The following STXBP5L variants were observed in gnomAD, a reference collection of about 807,000 sequenced individuals.
The protein encoded by STXBP5L is syntaxin-binding protein 5-like.
STXBP5L carries 65 observed loss-of-function variants against 144.5 expected under a neutral mutation model. The observed-to-expected ratio is 0.45, with a 90% confidence interval of 0.37 to 0.55. The LOEUF is 0.55. STXBP5L is among the 20% of genes least tolerant of loss of function. The probability of loss-of-function intolerance (pLI) is 0.00; values close to 1 mark genes in which losing one functional copy is unlikely to be tolerated. For missense variants in STXBP5L, 1,298 were observed against 1,405.5 expected (o/e 0.92, Z 1.22); for synonymous variants, 505 against 469.6 (o/e 1.08, Z -0.97).
intron 5 of STXBP5L, among the ~76,000 whole-genome samples, chr3:121,110,640 C>T (rs1411932118): frequency 6.6e-6 from 1 of 152,158 alleles, no homozygotes; most frequent in Non-Finnish European, 1.5e-5. Context: ...CCTGGCCTTT[C>T]TCTCTGGCTG....
intron 20 of STXBP5L, among the ~76,000 whole-genome samples, chr3:121,334,266 AC>A (rs909780946): frequency 3.9e-5 from 6 of 152,104 alleles, no homozygotes; most frequent in Non-Finnish European, 8.8e-5. Context: ...ACACCTACCA[AC>A]CAGAAAAGTC....
chr3:121,056,396 T>C (rs1417588568), intron 5 of STXBP5L, among the ~76,000 whole-genome samples: 2 of 152,114 alleles, frequency 1.3e-5, no homozygotes, highest in Admixed American at 6.6e-5. Flanking sequence ...GTATATTTAA[T>C]TTTTCTTACT....
intron 3 of STXBP5L, among the ~76,000 whole-genome samples, chr3:121,036,552 T>C (rs1946766142): frequency 6.6e-6 from 1 of 152,138 alleles, no homozygotes; most frequent in Non-Finnish European, 1.5e-5. Context: ...TGATTCTTGC[T>C]TTATTCATTA....
chr3:121,019,972 A>G (rs1222783469), intron 3 of STXBP5L, among the ~76,000 whole-genome samples: 1 of 152,246 alleles, frequency 6.6e-6, no homozygotes, highest in Non-Finnish European at 1.5e-5. Context: ...CTACTTAGCC[A>G]ATCAAGGAGG....
intron 2 of STXBP5L, among the ~76,000 whole-genome samples, chr3:120,926,384 C>T (rs1007784155): frequency 6.7e-6 from 1 of 148,422 alleles, no homozygotes; most frequent in Non-Finnish European, 1.5e-5. Context: ...TTCACCACTC[C>T]CTGCTGGCCT....
At position 121,419,744 on chromosome 3, in the gene STXBP5L, C is replaced by T. The variant is rs1410488491; in HGVS notation, c.*647C>T. On this transcript the variant is annotated 3_prime_UTR_variant, in exon 27 of 27. Transcript: ENST00000471454. ...AATGTTCTCTCTCCATGTTTTACAT[C>T]ATTCACAGTTGTGTCAAAATCAAAT... is the stretch of plus-strand genomic sequence containing the variant. 6.6e-6 allele frequency: 1 copy of T among 152,236 alleles called. No individual in the cohort carries two copies. The highest frequency in any genetic ancestry group is 2.4e-5 in the African/African-American group (1 of 41,472). The allele number at this position is 152,236 out of a possible 1,614,324, so 9.4% of individuals were successfully genotyped here. A position where few individuals can be genotyped will look rare whatever the true frequency, so the allele number is the denominator to read the frequency against.
intron 5 of STXBP5L, among the ~76,000 whole-genome samples, chr3:121,087,667 A>C (rs1332382123): frequency 1.3e-5 from 2 of 151,994 alleles, no homozygotes; most frequent in Non-Finnish European, 2.9e-5. Flanking sequence ...ATTAGATATA[A>C]TTATTGATAT....
chr3:121,018,331 C>T (rs1945288792), intron 3 of STXBP5L, among the ~76,000 whole-genome samples: 1 of 151,974 alleles, frequency 6.6e-6, no homozygotes, highest in South Asian at 2.1e-4. Context: ...TATTATAAAG[C>T]TACAGTAATT....
chr3:121,023,414 CAA>C (rs1460063115), intron 3 of STXBP5L, among the ~76,000 whole-genome samples: 1 of 151,924 alleles, frequency 6.6e-6, no homozygotes, highest in Non-Finnish European at 1.5e-5. Context: ...CATATGGAAC[CAA>C]AAAAGAGCCC....
intron 9 of STXBP5L, among the ~76,000 whole-genome samples, chr3:121,170,945 A>G (rs1211810913): frequency 6.6e-6 from 1 of 152,180 alleles, no homozygotes; most frequent in Non-Finnish European, 1.5e-5. Flanking sequence ...ATCCTCAATA[A>G]AATACTGGTA....
intron 2 of STXBP5L, among the ~76,000 whole-genome samples, chr3:120,928,419 C>T (rs777013221): frequency 2.7e-4 from 41 of 152,062 alleles, no homozygotes; most frequent in Non-Finnish European, 2.2e-4. Context: ...TGTACCACCA[C>T]GCCTGGCTAA....
At chr3:120,951,408 G>T (rs1182680920) in intron 2 of STXBP5L, among the ~76,000 whole-genome samples, 6 of 151,994 alleles carry the variant, frequency 3.9e-5, no homozygotes, top group Non-Finnish European at 8.8e-5. Context: ...CTACTCATCT[G>T]ACAAAGGGCT....
At chr3:121,025,458 CAG>C (rs771793487) in intron 3 of STXBP5L, among the ~76,000 whole-genome samples, 30 of 152,156 alleles carry the variant, frequency 2.0e-4, no homozygotes, top group Admixed American at 6.5e-4. Context: ...CTTGAATAAT[CAG>C]ATCTGAGCCT....
chr3:120,971,318 G>C (rs548675171), intron 3 of STXBP5L, among the ~76,000 whole-genome samples: 4 of 151,792 alleles, frequency 2.6e-5, no homozygotes, highest in Non-Finnish European at 5.9e-5. Flanking sequence ...TTTTGTACCC[G>C]TCACCCAAGT....
intron 10 of STXBP5L, among the ~76,000 whole-genome samples, chr3:121,206,705 T>G (rs535564427): frequency 2.4e-4 from 36 of 152,152 alleles, no homozygotes; most frequent in African/African-American, 8.4e-4. Flanking sequence ...TCCCAGCTAC[T>G]TGGGAGGCTG....
chr3:121,195,800 G>A (rs1260994112), intron 9 of STXBP5L, among the ~76,000 whole-genome samples: 1 of 152,146 alleles, frequency 6.6e-6, no homozygotes, highest in Non-Finnish European at 1.5e-5. Flanking sequence ...CATTAGGATG[G>A]GAGAATGGTG....
At chr3:121,292,346 T>C (rs1245526633) in intron 19 of STXBP5L, among the ~76,000 whole-genome samples, 1 of 152,158 alleles carries the variant, frequency 6.6e-6, no homozygotes, top group Non-Finnish European at 1.5e-5. Context: ...TGCAATACCA[T>C]CTTTCTCCTG....
At chr3:121,158,919 T>C (rs1054239338) in intron 9 of STXBP5L, 1 of 152,160 alleles carries the variant, frequency 6.6e-6, no homozygotes, top group African/African-American at 2.4e-5. Context: ...TTGTTTTCTA[T>C]TATTCTGCTT....
At chr3:121,384,060 A>G (rs993792025) in intron 22 of STXBP5L, among the ~76,000 whole-genome samples, 5 of 152,136 alleles carry the variant, frequency 3.3e-5, no homozygotes, top group African/African-American at 1.2e-4. Context: ...TGAGTCAAAT[A>G]GTTTCCTTAG....
Sources: gnomAD v4.1 joint callset for allele counts (sites outside exome capture counted in the v4.1 genomes callset) on GRCh38, gnomAD v4.1.1 for gene constraint, MANE v1.5 for transcripts, NCBI Gene and HGNC (gene_info 2026-07-23, HGNC 2026-07-21) for gene names.